The following MCTP1 variants were observed in gnomAD, a reference collection of about 807,000 sequenced individuals.
The protein encoded by MCTP1 is multiple C2 and transmembrane domain containing 1, also known as multiple C2 and transmembrane domain-containing protein 1.
A neutral mutation model predicts 120.6 loss-of-function variants in MCTP1; 69 were observed. The observed-to-expected ratio is 0.57, with a 90% CI of 0.47 to 0.70. MCTP1 has a LOEUF of 0.70. Among genes scored for constraint, MCTP1 ranks in the 30% least tolerant of loss-of-function variants. The probability of loss-of-function intolerance (pLI) is 0.00; values close to 1 mark genes in which losing one functional copy is unlikely to be tolerated. For missense variants in MCTP1, 1,203 were observed against 1,248.8 expected (o/e 0.96, Z 0.55); for synonymous variants, 529 against 493.1 (o/e 1.07, Z -0.96).
At chr5:94,725,900 ATAT>A (rs1762034627) in intron 19 of MCTP1, among the ~76,000 whole-genome samples, 1 of 152,244 alleles carries the variant, frequency 6.6e-6, no homozygotes, top group Non-Finnish European at 1.5e-5. Context: ...TTAGTCGTTA[ATAT>A]TATTAACAAC....
intron 1 of MCTP1, among the ~76,000 whole-genome samples, chr5:95,101,090 T>TAA (rs72081366): frequency 6.5e-4 from 96 of 147,650 alleles, no homozygotes; most frequent in African/African-American, 2.2e-3. Context: ...AGAAAGAAAG[T>TAA]AAAAAAAAAA....
At chr5:94,867,320 CAA>C in intron 17 of MCTP1, 1 of 1,532,558 alleles carries the variant, frequency 6.5e-7, no homozygotes, top group Non-Finnish European at 8.7e-7. Flanking sequence ...ACTTACAACA[CAA>C]AGGGACGTAG....
chr5:95,179,919 T>A (rs1748419543), intron 1 of MCTP1, among the ~76,000 whole-genome samples: 2 of 152,092 alleles, frequency 1.3e-5, no homozygotes, highest in Admixed American at 1.3e-4. Context: ...ACATAGGAAC[T>A]CACATAAACT....
At position 95,056,932 on chromosome 5, in the gene MCTP1, T is replaced by C. The variant is rs190354254; in HGVS notation, c.721-39448A>G. Among the ~76,000 whole-genome samples, 214 of 152,088 alleles carry C rather than the reference T, an allele frequency of 1.4e-3. 1 individual carries two copies. The highest frequency in any genetic ancestry group is 2.6e-3 in the Non-Finnish European group (177 of 67,962). On this transcript the variant is annotated intron_variant, in intron 1 of 22. Transcript: ENST00000515393. ...AAGAATTGATCTCTCAAATAGTGAG[T>C]ATGAAAAGAAAGTTAGAGAAATATG...
At position 94,880,069 on chromosome 5, in the gene MCTP1, A is replaced by T. The variant is rs972893163; in HGVS notation, c.1934-6828T>A. On this transcript the variant is annotated intron_variant, in intron 12 of 22. Transcript: ENST00000515393. Reference sequence around the variant, plus strand: ...AAAGAAAGAGGAAGGAGACTATGGGACCTATAAAATGAGAAGAGGCCGTGA... The same window carrying T: ...AAAGAAAGAGGAAGGAGACTATGGGTCCTATAAAATGAGAAGAGGCCGTGA... Among the ~76,000 whole-genome samples, 6 of 152,222 alleles carry T rather than the reference A, an allele frequency of 3.9e-5. No homozygotes were observed. The South Asian group carries it at 8.3e-4, about 21-fold the overall frequency.
At chr5:94,886,514 C>T (rs1801372963) in intron 12 of MCTP1, among the ~76,000 whole-genome samples, 1 of 152,174 alleles carries the variant, frequency 6.6e-6, no homozygotes, top group African/African-American at 2.4e-5. Context: ...TCTCGTTAGA[C>T]TTATTTAGAA....
At chr5:95,059,024 C>A (rs968404379) in intron 1 of MCTP1, among the ~76,000 whole-genome samples, 3 of 152,166 alleles carry the variant, frequency 2.0e-5, no homozygotes, top group African/African-American at 7.2e-5. Context: ...TGAGTTAAGA[C>A]TATCCTCTTA....
intron 19 of MCTP1, among the ~76,000 whole-genome samples, chr5:94,763,558 T>C (rs1771847841): frequency 6.6e-6 from 1 of 152,202 alleles, no homozygotes; most frequent in African/African-American, 2.4e-5. Flanking sequence ...AAACTATTCA[T>C]TACTTTATTA....
chr5:95,257,040 G>C (rs1199168072), intron 1 of MCTP1, among the ~76,000 whole-genome samples: 1 of 152,086 alleles, frequency 6.6e-6, no homozygotes, highest in Non-Finnish European at 1.5e-5. Flanking sequence ...TGCAGGTGTT[G>C]GACACATGTG....
chr5:94,793,619 A>G (rs1779419575), intron 18 of MCTP1: 1 of 152,224 alleles, frequency 6.6e-6, no homozygotes, highest in South Asian at 2.1e-4. Context: ...CTCTTACTGA[A>G]GTAGAGAGAG....
chr5:95,018,399 GT>G (rs1837537904), intron 1 of MCTP1, among the ~76,000 whole-genome samples: 1 of 151,848 alleles, frequency 6.6e-6, no homozygotes, highest in Non-Finnish European at 1.5e-5. Context: ...ACAGACAACA[GT>G]CTTTTAATTC....
At chr5:94,902,361 G>A (rs1040005467) in intron 10 of MCTP1, among the ~76,000 whole-genome samples, 1 of 151,972 alleles carries the variant, frequency 6.6e-6, no homozygotes, top group African/African-American at 2.4e-5. Flanking sequence ...TTATCAAGAG[G>A]AAATTTATAT....
intron 1 of MCTP1, among the ~76,000 whole-genome samples, chr5:95,079,579 G>C (rs944472148): frequency 3.9e-5 from 6 of 151,914 alleles, no homozygotes; most frequent in African/African-American, 1.5e-4. Context: ...ATAGTTCTTG[G>C]AATCAAAGCA....
At chr5:95,140,879 CAAAAAAAA>C (rs33910299) in intron 1 of MCTP1, among the ~76,000 whole-genome samples, 3 of 45,344 alleles carry the variant, frequency 6.6e-5, no homozygotes, top group South Asian at 2.5e-3. Context: ...GACTCCGTCT[CAAAAAAAA>C]AAAAAAAAAA....
At chr5:95,193,838 C>T (rs1358450379) in intron 1 of MCTP1, among the ~76,000 whole-genome samples, 1 of 152,032 alleles carries the variant, frequency 6.6e-6, no homozygotes, top group Admixed American at 6.6e-5. Flanking sequence ...AATATTTTAA[C>T]TTATGTAATT....
At chr5:94,725,123 T>G (rs1303744600) in intron 19 of MCTP1, among the ~76,000 whole-genome samples, 2 of 152,042 alleles carry the variant, frequency 1.3e-5, no homozygotes, top group Non-Finnish European at 2.9e-5. Flanking sequence ...AGGTTGAAAA[T>G]AAAGCACAAG....
At chr5:95,043,515 T>C (rs116428269) in intron 1 of MCTP1, among the ~76,000 whole-genome samples, 1,938 of 152,270 alleles carry the variant, frequency 0.013, 15 homozygotes, top group Middle Eastern at 0.031. Context: ...TTCTCTTTTC[T>C]GCTGCAGTTG....
chr5:95,183,896 C>T (rs1748894989), intron 1 of MCTP1, among the ~76,000 whole-genome samples: 1 of 151,742 alleles, frequency 6.6e-6, no homozygotes, highest in South Asian at 2.1e-4. Flanking sequence ...ATGGCGTGAA[C>T]ATTTTGAAAA....
chr5:95,266,189 G>C (rs1370726791), intron 1 of MCTP1, among the ~76,000 whole-genome samples: 1 of 152,208 alleles, frequency 6.6e-6, no homozygotes, highest in African/African-American at 2.4e-5. Context: ...TGCCCTGCAA[G>C]GTTCTAGGAT....
Sources: allele counts gnomAD v4.1 joint callset (sites outside exome capture counted in the v4.1 genomes callset), GRCh38; gene constraint gnomAD v4.1.1; transcripts MANE v1.5; gene names NCBI Gene and HGNC (gene_info 2026-07-23, HGNC 2026-07-21).